CCSER1: variants seen among roughly 807,000 people sequenced by gnomAD.
The protein encoded by CCSER1 is serine-rich coiled-coil domain-containing protein 1.
In CCSER1, 41 loss-of-function variants were observed where a neutral mutation model predicts 82.0. The ratio of observed to expected loss-of-function variants is 0.50; its 90% CI spans 0.39 to 0.65. The LOEUF (loss-of-function observed/expected upper bound fraction) is 0.65. Among genes scored for constraint, CCSER1 ranks in the 30% least tolerant of loss-of-function variants. CCSER1 has a pLI of 0.00. For missense variants in CCSER1, 1,119 were observed against 1,064.2 expected, an observed-to-expected ratio of 1.05 and a Z score of -0.72; for synonymous variants, 414 against 383.9, an observed-to-expected ratio of 1.08 and a Z score of -0.92.
chr4:91,353,416 C>T (rs779322305), intron 10 of CCSER1, among the ~76,000 whole-genome samples: 11 of 152,164 alleles, frequency 7.2e-5, no homozygotes, highest in African/African-American at 1.9e-4. Flanking sequence ...TGAATAACGT[C>T]GGTTTCTAAG....
intron 10 of CCSER1, among the ~76,000 whole-genome samples, chr4:91,523,897 A>C (rs546714520): frequency 6.6e-6 from 1 of 152,058 alleles, no homozygotes; most frequent in South Asian, 2.1e-4. Context: ...GATCTTAGTT[A>C]CTTCTTGCCT....
chr4:90,153,842 C>A (rs1446636180), intron 1 of CCSER1, among the ~76,000 whole-genome samples: 1 of 152,174 alleles, frequency 6.6e-6, no homozygotes, highest in Non-Finnish European at 1.5e-5. Flanking sequence ...TGCCTATTCA[C>A]TCTGATGGTA....
At chr4:90,341,765 A>G (rs1050936484) in intron 3 of CCSER1, among the ~76,000 whole-genome samples, 9 of 152,156 alleles carry the variant, frequency 5.9e-5, no homozygotes, top group Non-Finnish European at 1.0e-4. Context: ...CAGTTAATAA[A>G]TACTCTTTTA....
At position 90,996,098 on chromosome 4, in the gene CCSER1, A is replaced by C. The variant is rs139034834; in HGVS notation, c.2172+72651A>C. On this transcript the variant is annotated intron_variant, in intron 9 of 10. Coordinates refer to ENST00000509176, the MANE Select transcript of CCSER1 (RefSeq NM_001145065.2). The stretch of plus-strand genomic sequence containing the variant: ...AAATAATAAAAGGAATGAATATACA[A>C]GGTTAAATAGGACTTTATTTTCATC... Among the ~76,000 whole-genome samples, 262 of 152,254 alleles carry C rather than the reference A, an allele frequency of 1.7e-3. 3 individuals are homozygous for C. Among genetic ancestry groups the C allele is most frequent in the Non-Finnish European group, 3.0e-3 (205 of 67,954 alleles).
At chr4:90,665,142 A>C (rs1731491259) in intron 6 of CCSER1, among the ~76,000 whole-genome samples, 1 of 152,074 alleles carries the variant, frequency 6.6e-6, no homozygotes, top group Non-Finnish European at 1.5e-5. Context: ...GGATTATATT[A>C]GGTGGTAGGA....
intron 10 of CCSER1, among the ~76,000 whole-genome samples, chr4:91,157,872 A>G (rs1251438345): frequency 6.6e-6 from 1 of 151,964 alleles, no homozygotes; most frequent in Non-Finnish European, 1.5e-5. Flanking sequence ...TTTAGTAGAG[A>G]ATAGGCAAAG....
chr4:90,414,074 G>A (rs922986067), intron 4 of CCSER1, among the ~76,000 whole-genome samples: 6 of 140,614 alleles, frequency 4.3e-5, no homozygotes, highest in African/African-American at 1.3e-4. Context: ...TTATAGTGCA[G>A]TAAGTGGATA....
In CCSER1 at chr4:91,274,961, C is replaced by G. The variant is rs182737476; in HGVS notation, c.2217+188967C>G. Among the ~76,000 whole-genome samples the G allele has an allele frequency of 2.0e-5, 3 of 152,046 alleles. No individual in the cohort carries two copies. In the East Asian group the frequency reaches 5.8e-4, roughly 30 times the overall value. On this transcript the variant is annotated intron_variant, in intron 10 of 10. Transcript: ENST00000509176. Reference sequence around the variant, plus strand: ...CCTACTAAAAATACAAAAAAAATAGCTGGGAGTGGTGGCAGGCGCTTGTAG... The same window carrying G: ...CCTACTAAAAATACAAAAAAAATAGGTGGGAGTGGTGGCAGGCGCTTGTAG...
rs568255192 is a variant in CCSER1 at position 90,451,077 on chromosome 4, C to T, written c.1604-17157C>T. 2.0e-5 allele frequency among the ~76,000 whole-genome samples: 3 copies of T among 152,224 alleles called. No individual in the cohort carries two copies. The South Asian group carries it at 6.2e-4, about 32-fold the overall frequency. On this transcript the variant is annotated intron_variant, in intron 4 of 10. Transcript: ENST00000509176. ...TAATAATCTCATTTGTCTTTTCTAC[C>T]TTTCCTGAGGATTGTGGTCTCCAAG...
At chr4:91,418,303 T>TAAAAAAAAAAAAAAAAAAA (rs142070235) in intron 10 of CCSER1, among the ~76,000 whole-genome samples, 2 of 113,630 alleles carry the variant, frequency 1.8e-5, no homozygotes, top group African/African-American at 3.6e-5. Context: ...ATTTTTTAAT[T>TAAAAAAAAAAAAAAAAAAA]AAAAAAAAAA....
At chr4:91,273,608 G>A (rs537095492) in intron 10 of CCSER1, among the ~76,000 whole-genome samples, 1 of 152,006 alleles carries the variant, frequency 6.6e-6, no homozygotes, top group Non-Finnish European at 1.5e-5. Flanking sequence ...TCATTTTCTT[G>A]TCTGATTGCT....
chr4:91,318,213 A>G (rs1745961476), intron 10 of CCSER1, among the ~76,000 whole-genome samples: 1 of 151,996 alleles, frequency 6.6e-6, no homozygotes, highest in East Asian at 1.9e-4. Flanking sequence ...TGATACTTCA[A>G]TAGGGAATTA....
At chr4:90,567,609 ATTT>A (rs34322120) in intron 5 of CCSER1, among the ~76,000 whole-genome samples, 2 of 123,656 alleles carry the variant, frequency 1.6e-5, no homozygotes, top group Non-Finnish European at 1.7e-5. Flanking sequence ...TTTTTTAATG[ATTT>A]TTTTTTTTTT....
intron 10 of CCSER1, among the ~76,000 whole-genome samples, chr4:91,568,697 C>A (rs1763018410): frequency 6.6e-6 from 1 of 152,060 alleles, no homozygotes; most frequent in Non-Finnish European, 1.5e-5. Context: ...TCTGTCAGAC[C>A]CATTAAGTCC....
chr4:90,525,124 A>G (rs1340087429), intron 5 of CCSER1, among the ~76,000 whole-genome samples: 1 of 152,034 alleles, frequency 6.6e-6, no homozygotes, highest in Non-Finnish European at 1.5e-5. Context: ...TTTTTTAAAA[A>G]AAAAGCAAAT....
intron 8 of CCSER1, among the ~76,000 whole-genome samples, chr4:90,917,205 C>T (rs905180322): frequency 5.3e-5 from 8 of 152,264 alleles, no homozygotes; most frequent in African/African-American, 1.9e-4. Flanking sequence ...GCTATAAAGA[C>T]ACATGCACAG....
intron 7 of CCSER1, among the ~76,000 whole-genome samples, chr4:90,809,729 G>T (rs1024763607): frequency 1.5e-5 from 2 of 130,894 alleles, no homozygotes; most frequent in African/African-American, 3.0e-5. Flanking sequence ...AAATAATAAG[G>T]TAAAAAAAAA....
At chr4:91,531,690 A>G (rs959383070) in intron 10 of CCSER1, among the ~76,000 whole-genome samples, 8 of 152,132 alleles carry the variant, frequency 5.3e-5, no homozygotes, top group African/African-American at 1.9e-4. Flanking sequence ...AAACAATTCA[A>G]TGTTGGGAAA....
intron 8 of CCSER1, among the ~76,000 whole-genome samples, chr4:90,902,452 G>A (rs948922524): frequency 2.6e-5 from 4 of 151,930 alleles, no homozygotes; most frequent in African/African-American, 9.7e-5. Context: ...TCATTTGGAT[G>A]GAAGATTTTT....
Sources: allele counts gnomAD v4.1 joint callset (sites outside exome capture counted in the v4.1 genomes callset), GRCh38; gene constraint gnomAD v4.1.1; transcripts MANE v1.5; gene names NCBI Gene and HGNC (gene_info 2026-07-23, HGNC 2026-07-21).